ASIC2: variants seen among roughly 807,000 people sequenced by gnomAD.
ASIC2 encodes the protein acid-sensing ion channel 2.
In ASIC2, 25 loss-of-function variants were observed where a neutral mutation model predicts 57.3. The observed-to-expected ratio is 0.44, with a 90% CI of 0.32 to 0.61. ASIC2 has a LOEUF of 0.61. Ranked by LOEUF, ASIC2 falls within the 20% of genes least tolerant of loss-of-function variation. The pLI, the probability that ASIC2 is intolerant of heterozygous loss-of-function variation, is 0.06. For missense variants in ASIC2, 641 were observed against 738.1 expected (o/e 0.87, Z 1.52); for synonymous variants, 319 against 307.5 (o/e 1.04, Z -0.39).
chr17:33,173,879 C>G (rs1337629553), intron 1 of ASIC2, among the ~76,000 whole-genome samples: 1 of 152,172 alleles, frequency 6.6e-6, no homozygotes, highest in Non-Finnish European at 1.5e-5. Context: ...TTTCCCCAAC[C>G]TCAGCCTCTG....
intron 1 of ASIC2, among the ~76,000 whole-genome samples, chr17:33,901,556 G>A (rs532359909): frequency 7.9e-5 from 12 of 152,250 alleles, no homozygotes; most frequent in South Asian, 4.2e-4. Context: ...TAAAAAGATC[G>A]ATAAGACACA....
chr17:33,506,844 A>G (rs145591235), intron 1 of ASIC2, among the ~76,000 whole-genome samples: 1 of 152,334 alleles, frequency 6.6e-6, no homozygotes, highest in Non-Finnish European at 1.5e-5. Flanking sequence ...CAGATGCTCA[A>G]TAAATAGCAT....
chr17:33,205,557 A>G (rs1022278242), intron 1 of ASIC2, among the ~76,000 whole-genome samples: 2 of 152,234 alleles, frequency 1.3e-5, no homozygotes, highest in African/African-American at 4.8e-5. Flanking sequence ...TTCACTATGG[A>G]ACAAACACTT....
chr17:34,011,085 G>GCCTCCAGTCTCTCTCTCTCACA (rs1555580952), intron 1 of ASIC2, among the ~76,000 whole-genome samples: 1 of 36,900 alleles, frequency 2.7e-5, no homozygotes, highest in African/African-American at 8.4e-5. Context: ...GCAGACACAT[G>GCCTCCAGTCTCTCTCTCTCACA]CACACACACA....
chr17:33,200,097 G>A (rs1906798229), intron 1 of ASIC2, among the ~76,000 whole-genome samples: 4 of 152,078 alleles, frequency 2.6e-5, no homozygotes, highest in Admixed American at 1.3e-4. Flanking sequence ...TACCCTTAGG[G>A]GAAGCTGAGG....
chr17:33,600,994 C>T (rs1251271632), intron 1 of ASIC2, among the ~76,000 whole-genome samples: 2 of 152,112 alleles, frequency 1.3e-5, no homozygotes, highest in East Asian at 3.9e-4. Context: ...ACTAGGATAT[C>T]TGGTAGAAGA....
At chr17:33,246,865 T>C (rs765433773) in intron 1 of ASIC2, among the ~76,000 whole-genome samples, 3 of 152,070 alleles carry the variant, frequency 2.0e-5, no homozygotes, top group Non-Finnish European at 2.9e-5. Flanking sequence ...CCAGCCTTTC[T>C]GATTCTCATT....
intron 1 of ASIC2, among the ~76,000 whole-genome samples, chr17:33,519,111 C>T (rs868538722): frequency 3.3e-5 from 5 of 152,208 alleles, no homozygotes; most frequent in Admixed American, 6.5e-5. Flanking sequence ...TGAGCCACCG[C>T]GCCGGGCCGA....
intron 1 of ASIC2, among the ~76,000 whole-genome samples, chr17:33,231,319 C>T (rs923418381): frequency 6.6e-6 from 1 of 152,150 alleles, no homozygotes; most frequent in Admixed American, 6.5e-5. Flanking sequence ...AGTTGGCACC[C>T]CTTGGAGAGG....
chr17:33,243,871 A>G (rs1908599266), intron 1 of ASIC2, among the ~76,000 whole-genome samples: 1 of 152,214 alleles, frequency 6.6e-6, no homozygotes, highest in Admixed American at 6.5e-5. Context: ...AGGACAATCT[A>G]ACCGGGAGTT....
intron 1 of ASIC2, among the ~76,000 whole-genome samples, chr17:34,152,691 G>A (rs1047196657): frequency 6.6e-6 from 1 of 152,188 alleles, no homozygotes; most frequent in African/African-American, 2.4e-5. Context: ...ACTATCACAT[G>A]TTAGATGACC....
At chr17:33,721,404 C>A (rs1460309045) in intron 1 of ASIC2, among the ~76,000 whole-genome samples, 1 of 152,206 alleles carries the variant, frequency 6.6e-6, no homozygotes, top group Non-Finnish European at 1.5e-5. Flanking sequence ...ATGTGTGTGA[C>A]TTCTGAGTGA....
chr17:34,047,019 T>C (rs1908363909), intron 1 of ASIC2, among the ~76,000 whole-genome samples: 1 of 152,166 alleles, frequency 6.6e-6, no homozygotes, highest in Non-Finnish European at 1.5e-5. Context: ...AATGAACCTT[T>C]GAGGACATAC....
intron 1 of ASIC2, among the ~76,000 whole-genome samples, chr17:33,940,620 G>A (rs1567762992): frequency 6.6e-6 from 1 of 152,104 alleles, no homozygotes; most frequent in East Asian, 1.9e-4. Flanking sequence ...CAGTGCTGGA[G>A]ATAAAACAGT....
At chr17:33,310,261 C>G (rs1906354723) in intron 1 of ASIC2, among the ~76,000 whole-genome samples, 1 of 151,928 alleles carries the variant, frequency 6.6e-6, no homozygotes, top group African/African-American at 2.4e-5. Context: ...GCCTGGGTAT[C>G]AGGATCTCTA....
chr17:33,223,450 T>C (rs1907759226), intron 1 of ASIC2, among the ~76,000 whole-genome samples: 1 of 152,202 alleles, frequency 6.6e-6, no homozygotes, highest in Non-Finnish European at 1.5e-5. Context: ...CCCAAAGTGC[T>C]GGGATTACAG....
chr17:33,474,339 C>G (rs530356789), intron 1 of ASIC2, among the ~76,000 whole-genome samples: 1 of 152,236 alleles, frequency 6.6e-6, no homozygotes, highest in South Asian at 2.1e-4. Context: ...TGCACTCCAG[C>G]CTGGGTCACA....
intron 7 of ASIC2, 60 bp from the exon 8 acceptor site, chr17:33,017,744 C>G (rs946845740): frequency 1.3e-6 from 2 of 1,509,422 alleles, no homozygotes; most frequent in Non-Finnish European, 1.8e-6. Flanking sequence ...GAAGGGTGAA[C>G]AGACTGAGAT....
At chr17:34,047,975 T>G (rs532856455) in intron 1 of ASIC2, among the ~76,000 whole-genome samples, 1 of 152,206 alleles carries the variant, frequency 6.6e-6, no homozygotes, top group East Asian at 1.9e-4. Flanking sequence ...CTCCACACCA[T>G]ATCCTCAATA....
Sources: gnomAD v4.1 joint callset for allele counts (sites outside exome capture counted in the v4.1 genomes callset) on GRCh38, gnomAD v4.1.1 for gene constraint, MANE v1.5 for transcripts, NCBI Gene and HGNC (gene_info 2026-07-23, HGNC 2026-07-21) for gene names.